Variants in ARHGEF28 observed in about 807,000 individuals in gnomAD.
The protein encoded by ARHGEF28 is Rho guanine nucleotide exchange factor 28, also known as 190 kDa guanine nucleotide exchange factor.
A neutral mutation model predicts 206.6 loss-of-function variants in ARHGEF28; 152 were observed. The observed-to-expected ratio is 0.74, with a 90% CI of 0.64 to 0.84. ARHGEF28 has a LOEUF of 0.84. Among genes scored for constraint, ARHGEF28 ranks in the 40% least tolerant of loss-of-function variants. The pLI is 0.00. For missense variants in ARHGEF28, 2,028 were observed against 2,073.2 expected (o/e 0.98, Z 0.42); for synonymous variants, 763 against 776.4 (o/e 0.98, Z 0.29).
At position 73,649,255 on chromosome 5, in the gene ARHGEF28, T is replaced by C. The variant is rs114350921; in HGVS notation, c.-12+22933T>C. 2.5e-3 allele frequency among the ~76,000 whole-genome samples: 385 copies of C among 152,242 alleles called. 3 individuals are homozygous for C. Among genetic ancestry groups the C allele is most frequent in the African/African-American group, 7.8e-3 (323 of 41,550 alleles). ...AATGTCACTCATGTGGCTTTTGATA[T>C]ATTTATTTGTGGTGGAGGGTGAGTA... On this transcript the variant is annotated intron_variant, in intron 1 of 35. Transcript: ENST00000513042.
At chr5:73,707,044 T>G (rs1748980905) in intron 2 of ARHGEF28, among the ~76,000 whole-genome samples, 1 of 152,222 alleles carries the variant, frequency 6.6e-6, no homozygotes. Context: ...CCTGGTCACT[T>G]GAAATCTGCT....
At chr5:73,813,513 G>C in intron 9 of ARHGEF28, 2 of 1,524,856 alleles carry the variant, frequency 1.3e-6, no homozygotes, top group South Asian at 1.2e-5. Context: ...GGGGAGGCTT[G>C]CCTCCTGGCT....
At chr5:73,717,993 C>G (rs1051107597) in intron 2 of ARHGEF28, among the ~76,000 whole-genome samples, 1 of 152,142 alleles carries the variant, frequency 6.6e-6, no homozygotes, top group Non-Finnish European at 1.5e-5. Flanking sequence ...ATTCTCCTGC[C>G]TCAGCCTCCC....
rs1016995465 is a variant in ARHGEF28 at position 73,717,299 on chromosome 5, C to T, written c.33+32415C>T. 3.9e-4 allele frequency among the ~76,000 whole-genome samples: 59 copies of T among 152,072 alleles called. 1 individual carries two copies. The highest frequency in any genetic ancestry group is 1.4e-3 in the African/African-American group (56 of 41,404). ...CTATTTGCCCCCTCTTCCTCCTCTC[C>T]GTTCCTTATCTCCTGACTGTCTTCC... On this transcript the variant is annotated intron_variant, in intron 2 of 35. Transcript: ENST00000513042.
intron 6 of ARHGEF28, chr5:73,780,474 G>T (rs1753774725): frequency 1.8e-6 from 1 of 568,422 alleles, no homozygotes. Flanking sequence ...TTTGGCCCCT[G>T]CCTTGGAGTT....
At chr5:73,672,181 A>T (rs1431016541) in intron 1 of ARHGEF28, among the ~76,000 whole-genome samples, 1 of 152,074 alleles carries the variant, frequency 6.6e-6, no homozygotes, top group Admixed American at 6.6e-5. Context: ...CTATAAGTCT[A>T]TTCATTTTTG....
At chr5:73,662,376 A>G (rs986169178) in intron 1 of ARHGEF28, among the ~76,000 whole-genome samples, 1 of 152,240 alleles carries the variant, frequency 6.6e-6, no homozygotes, top group Non-Finnish European at 1.5e-5. Flanking sequence ...GTGGAGAAGG[A>G]AAAAGCCCAA....
At chr5:73,856,161 G>A (rs143397691) in intron 14 of ARHGEF28, among the ~76,000 whole-genome samples, 7 of 152,266 alleles carry the variant, frequency 4.6e-5, no homozygotes, top group African/African-American at 1.4e-4. Flanking sequence ...TTGCAAATTA[G>A]GATGTGTAAG....
intron 9 of ARHGEF28, among the ~76,000 whole-genome samples, chr5:73,818,117 T>C (rs929903205): frequency 6.6e-6 from 1 of 151,764 alleles, no homozygotes; most frequent in South Asian, 2.1e-4. Context: ...GGGCTGGGAG[T>C]GCTTTCCACT....
chr5:73,677,181 T>C (rs2112231251), intron 1 of ARHGEF28, among the ~76,000 whole-genome samples: 1 of 152,312 alleles, frequency 6.6e-6, no homozygotes. Context: ...TAAGCTTTAT[T>C]TTCTAATATA....
At chr5:73,767,123 CTG>C (rs1308075988) in intron 4 of ARHGEF28, among the ~76,000 whole-genome samples, 1 of 152,218 alleles carries the variant, frequency 6.6e-6, no homozygotes, top group Non-Finnish European at 1.5e-5. Flanking sequence ...TTGCCTTCTG[CTG>C]TGATTGTGAG....
intron 1 of ARHGEF28, among the ~76,000 whole-genome samples, chr5:73,629,574 G>A (rs1743234100): frequency 6.6e-6 from 1 of 150,400 alleles, no homozygotes. Context: ...TTTTTAATGT[G>A]ATAGTGCATC....
intron 4 of ARHGEF28, among the ~76,000 whole-genome samples, chr5:73,759,144 C>A (rs192199369): frequency 7.4e-3 from 74 of 10,060 alleles, no homozygotes; most frequent in Admixed American, 0.037. Context: ...GCAGGACCCA[C>A]TGAGGGTGGC....
chr5:73,741,043 C>T (rs1421173057), intron 2 of ARHGEF28, among the ~76,000 whole-genome samples: 1 of 151,860 alleles, frequency 6.6e-6, no homozygotes, highest in African/African-American at 2.4e-5. Context: ...TTTCTTATAC[C>T]CAAGCCAGTA....
At chr5:73,846,152 A>C in intron 11 of ARHGEF28, 116 bp from the exon 12 acceptor site, 1 of 870,016 alleles carries the variant, frequency 1.1e-6, no homozygotes, top group Non-Finnish European at 1.8e-6. Flanking sequence ...AATTAAATGA[A>C]TACCTATTGC....
At chr5:73,840,883 C>G in intron 11 of ARHGEF28, 123 bp downstream of exon 11, 1 of 1,091,158 alleles carries the variant, frequency 9.2e-7, no homozygotes, top group Non-Finnish European at 1.3e-6. Context: ...TCAAAATGTC[C>G]CCTTTTAGGT....
At chr5:73,912,418 T>C (rs1268141449) in intron 35 of ARHGEF28, among the ~76,000 whole-genome samples, 7 of 152,228 alleles carry the variant, frequency 4.6e-5, no homozygotes. Flanking sequence ...GATTTGTTTC[T>C]ATGCTTAATA....
At chr5:73,899,715 G>C (rs1487575876) in intron 30 of ARHGEF28, 2 of 152,220 alleles carry the variant, frequency 1.3e-5, no homozygotes, top group Non-Finnish European at 2.9e-5. Flanking sequence ...TTCTTCATCA[G>C]GCTTATGTCA....
intron 1 of ARHGEF28, among the ~76,000 whole-genome samples, chr5:73,636,301 TG>T (rs1223126595): frequency 1.3e-5 from 2 of 152,218 alleles, no homozygotes; most frequent in Non-Finnish European, 2.9e-5. Context: ...TGTCTCACAA[TG>T]GTAGGGCTGA....
Sources: gnomAD v4.1 joint callset for allele counts (sites outside exome capture counted in the v4.1 genomes callset) on GRCh38, gnomAD v4.1.1 for gene constraint, MANE v1.5 for transcripts, NCBI Gene and HGNC (gene_info 2026-07-23, HGNC 2026-07-21) for gene names.